Variants in CEP72 observed in about 807,000 individuals in gnomAD.
The protein encoded by CEP72 is centrosomal protein 72.
Under a neutral mutation model 65.7 loss-of-function variants are expected in CEP72, and 78 were observed. The ratio of observed to expected loss-of-function variants is 1.19; its 90% CI spans 0.99 to 1.43. The LOEUF (loss-of-function observed/expected upper bound fraction) is 1.43. CEP72 is among the 40% of genes most tolerant of loss of function. The probability of loss-of-function intolerance (pLI) is 0.00; values close to 1 mark genes in which losing one functional copy is unlikely to be tolerated. For synonymous variants in CEP72, 358 were observed against 351.7 expected (o/e 1.02, Z -0.20); for missense variants, 914 against 832.9 (o/e 1.10, Z -1.20).
At chr5:659,378 G>T (rs370064797), downstream of CEP72, among the ~76,000 whole-genome samples, 68 of 152,346 alleles carry the variant, frequency 4.5e-4, no homozygotes, top group African/African-American at 1.6e-3. Context: ...TGCCATTTGA[G>T]ATCACCTTTG....
chr5:657,549 T>C (rs533727983), downstream of CEP72, among the ~76,000 whole-genome samples: 6 of 152,364 alleles, frequency 3.9e-5, no homozygotes, highest in East Asian at 9.6e-4. Context: ...TGCCTGGAAC[T>C]TTCTTTGTCA....
At chr5:646,754 G>A (rs558366109) in intron 10 of CEP72, among the ~76,000 whole-genome samples, 1 of 152,350 alleles carries the variant, frequency 6.6e-6, no homozygotes, top group South Asian at 2.1e-4. Flanking sequence ...GGTTTCCCAA[G>A]GGAGCAAAGG....
intron 4 of CEP72, among the ~76,000 whole-genome samples, chr5:629,175 A>T (rs916705404): frequency 6.6e-6 from 1 of 152,230 alleles, no homozygotes; most frequent in African/African-American, 2.4e-5. Flanking sequence ...CTTTGAGCAC[A>T]TTCTTCTCTG....
chr5:669,906 G>A (rs1466050069), downstream of CEP72, among the ~76,000 whole-genome samples: 3 of 152,176 alleles, frequency 2.0e-5, no homozygotes, highest in Non-Finnish European at 2.9e-5. Context: ...CATAGAGTGG[G>A]CCTGTCCTCC....
chr5:625,189 A>G (rs954882605), intron 4 of CEP72, among the ~76,000 whole-genome samples: 1 of 152,160 alleles, frequency 6.6e-6, no homozygotes, highest in Non-Finnish European at 1.5e-5. Context: ...GTGTATCCCA[A>G]AACCCTAGAG....
At chr5:669,410 AC>A (rs1160046293), downstream of CEP72, among the ~76,000 whole-genome samples, 1 of 151,934 alleles carries the variant, frequency 6.6e-6, no homozygotes, top group East Asian at 1.9e-4. Flanking sequence ...GAGCCAGGCC[AC>A]CCCAGGCAGC....
rs771241953 is a variant in CEP72, at chr5:653,070, C to A, written c.1861C>A (p.His621Asn). 6.8e-6 allele frequency: 11 copies of A among 1,613,748 alleles called. No homozygotes were observed. The Admixed American group carries it at 8.3e-5, about 12-fold the overall frequency. Reference sequence around the variant, plus strand: ...GCACAGAGCCGAGGTGGAGCAGATGCACTGGAGCTACCAGGAGCTCAAGAA... The same window carrying A: ...GCACAGAGCCGAGGTGGAGCAGATGAACTGGAGCTACCAGGAGCTCAAGAA... ...AQHRAEVEQM[H>N]WSYQELKKTM... The change falls in exon 12 of 12, where the codon CAC becomes AAC. Residue 621 changes from histidine to asparagine, a missense_variant. Physicochemically the swap from His to Asn is moderately conservative, Grantham distance 68 (BLOSUM62 1). Transcript: ENST00000264935.
Position 619,105 on chromosome 5 carries a change from G to C in CEP72, c.198G>C (p.Leu66Phe). The C allele has an allele frequency of 6.2e-7, 1 of 1,612,982 alleles. No homozygotes were observed. Among genetic ancestry groups the C allele is most frequent in the South Asian group, 1.1e-5 (1 of 91,010 alleles). ...CTTTGGATCTCTCGCGCAACTCCTT[G>C]GTTAGTCTGGAGGTAAGTTTTAGGT... The part of the protein sequence containing the change: ...LKSLDLSRNS[L>F]VSLEGIQYLT... Residue 66 changes from leucine to phenylalanine, a missense_variant, in exon 2 of 12, where the codon TTG becomes TTC. Coordinates refer to ENST00000264935, the MANE Select transcript of CEP72 (RefSeq NM_018140.4).
downstream of CEP72, among the ~76,000 whole-genome samples, chr5:654,238 CTG>C (rs765817599): frequency 5.0e-5 from 7 of 141,200 alleles, no homozygotes; most frequent in Non-Finnish European, 7.6e-5. Context: ...TGTGTGCTAG[CTG>C]TGTGTGCATG....
chr5:622,303 A>G (rs1736444270), intron 3 of CEP72, among the ~76,000 whole-genome samples: 1 of 152,248 alleles, frequency 6.6e-6, no homozygotes, highest in African/African-American at 2.4e-5. Flanking sequence ...CTGACCTTCT[A>G]AAAGTGACTT....
chr5:648,077 A>C (rs1483911360), intron 11 of CEP72, among the ~76,000 whole-genome samples, 161 bp downstream of exon 11: 1 of 152,254 alleles, frequency 6.6e-6, no homozygotes, highest in Non-Finnish European at 1.5e-5. Context: ...AACTTTCATA[A>C]ACTTTCCTCT....
intron 7 of CEP72, 91 bp from the exon 8 acceptor site, chr5:638,998 C>T: frequency 5.2e-6 from 8 of 1,528,648 alleles, no homozygotes; most frequent in Admixed American, 1.7e-5. Context: ...CTTCGTGGTG[C>T]GAGGGCATCC....
chr5:619,512 G>A (rs1736237302), intron 2 of CEP72, among the ~76,000 whole-genome samples: 1 of 152,072 alleles, frequency 6.6e-6, no homozygotes, highest in African/African-American at 2.4e-5. Context: ...CCTGCCCTGA[G>A]CCCGATGCCT....
chr5:614,652 C>T (rs984845037), intron 1 of CEP72, among the ~76,000 whole-genome samples: 4 of 152,012 alleles, frequency 2.6e-5, no homozygotes, highest in Non-Finnish European at 5.9e-5. Flanking sequence ...TGATCCACCG[C>T]GCCCGGCCTG....
chr5:613,919 A>T (rs990454422), intron 1 of CEP72, among the ~76,000 whole-genome samples: 2 of 152,230 alleles, frequency 1.3e-5, no homozygotes, highest in African/African-American at 4.8e-5. Context: ...TAACCTCGTG[A>T]CAAAATCCAA....
At chr5:668,315 A>G (rs112278350), downstream of CEP72, among the ~76,000 whole-genome samples, 41 of 76,690 alleles carry the variant, frequency 5.3e-4, 4 homozygotes, top group African/African-American at 2.5e-3. Context: ...ACAAGCACAC[A>G]GAGAGGGGGC....
intron 1 of CEP72, among the ~76,000 whole-genome samples, chr5:613,414 A>G (rs2126721152): frequency 6.6e-6 from 1 of 152,130 alleles, no homozygotes; most frequent in South Asian, 2.1e-4. Flanking sequence ...TCTGTCGTCC[A>G]GGTTGGAGTG....
intron 4 of CEP72, among the ~76,000 whole-genome samples, chr5:629,049 C>T (rs1043745248): frequency 2.0e-5 from 3 of 152,254 alleles, no homozygotes; most frequent in East Asian, 1.9e-4. Flanking sequence ...GGACTGTCCT[C>T]GGGTGGACCA....
chr5:674,177 G>A, the CEP72 span, among the ~76,000 whole-genome samples: 11 of 152,288 alleles, frequency 7.2e-5, no homozygotes, highest in Middle Eastern at 3.4e-3. Context: ...GCTTTGCCCC[G>A]GGTCTGCTCC....
Sources: allele counts gnomAD v4.1 joint callset (sites outside exome capture counted in the v4.1 genomes callset), GRCh38; gene constraint gnomAD v4.1.1; transcripts MANE v1.5; gene names NCBI Gene and HGNC (gene_info 2026-07-23, HGNC 2026-07-21).